ANKRD44: variants seen among roughly 807,000 people sequenced by gnomAD.
The protein encoded by ANKRD44 is ankyrin repeat domain 44.
ANKRD44 carries 35 observed loss-of-function variants against 116.0 expected under a neutral mutation model. The ratio of observed to expected loss-of-function variants is 0.30; its 90% CI spans 0.23 to 0.40. The LOEUF (loss-of-function observed/expected upper bound fraction) is 0.40. Ranked by LOEUF, ANKRD44 falls within the 10% of genes least tolerant of loss-of-function variation. ANKRD44 has a pLI of 1.00. For missense variants in ANKRD44, 1,014 were observed against 1,242.6 expected (o/e 0.82, Z 2.77); for synonymous variants, 435 against 461.8 (o/e 0.94, Z 0.74).
intron 15 of ANKRD44, among the ~76,000 whole-genome samples, chr2:197,080,307 T>C (rs2077763447): frequency 6.6e-6 from 1 of 152,244 alleles, no homozygotes; most frequent in Non-Finnish European, 1.5e-5. Flanking sequence ...TTCCGTGTTT[T>C]CACTGGGAAT....
intron 7 of ANKRD44, 71 bp from the exon 8 acceptor site, chr2:197,121,615 T>G (rs2078856052): frequency 1.5e-6 from 2 of 1,331,728 alleles, no homozygotes; most frequent in Non-Finnish European, 2.1e-6. Context: ...ACAAAAAGCA[T>G]AACGGCTGTG....
At chr2:197,291,838 G>A (rs1194536224) in intron 1 of ANKRD44, among the ~76,000 whole-genome samples, 3 of 151,914 alleles carry the variant, frequency 2.0e-5, no homozygotes, top group South Asian at 2.1e-4. Context: ...ACCACCCCAC[G>A]ACAGGCCCCA....
At chr2:197,173,144 C>T (rs539680749) in intron 2 of ANKRD44, among the ~76,000 whole-genome samples, 18 of 152,142 alleles carry the variant, frequency 1.2e-4, no homozygotes, top group Non-Finnish European at 2.2e-4. Flanking sequence ...ACAAGATATT[C>T]ATAGTACAGC....
At chr2:197,097,915 T>C (rs1031309370) in intron 10 of ANKRD44, among the ~76,000 whole-genome samples, 1 of 152,226 alleles carries the variant, frequency 6.6e-6, no homozygotes, top group Non-Finnish European at 1.5e-5. Context: ...TCCTCATTTC[T>C]TTCCACTCCA....
At chr2:197,231,303 A>T (rs1277670159) in intron 1 of ANKRD44, among the ~76,000 whole-genome samples, 2 of 152,164 alleles carry the variant, frequency 1.3e-5, no homozygotes, top group Non-Finnish European at 2.9e-5. Flanking sequence ...GGTGGTGTGT[A>T]TCTATAGTGC....
chr2:197,164,874 G>A (rs986754347), intron 2 of ANKRD44, among the ~76,000 whole-genome samples: 9 of 152,050 alleles, frequency 5.9e-5, no homozygotes, highest in Non-Finnish European at 1.3e-4. Flanking sequence ...TCTGAGGATG[G>A]CAGTACATCC....
intron 21 of ANKRD44, among the ~76,000 whole-genome samples, chr2:196,981,625 T>A (rs972273030): frequency 4.6e-5 from 7 of 151,868 alleles, no homozygotes; most frequent in African/African-American, 1.7e-4. Context: ...AAAATTTTTT[T>A]AAAAATCCGC....
intron 16 of ANKRD44, among the ~76,000 whole-genome samples, chr2:197,064,685 A>C (rs1298878259): frequency 1.3e-5 from 2 of 152,212 alleles, no homozygotes; most frequent in Non-Finnish European, 2.9e-5. Flanking sequence ...TTAAACCAAC[A>C]AAGATCAAAA....
At chr2:197,033,363 T>C (rs2124904359) in intron 16 of ANKRD44, among the ~76,000 whole-genome samples, 1 of 152,198 alleles carries the variant, frequency 6.6e-6, no homozygotes, top group African/African-American at 2.4e-5. Flanking sequence ...TGATAAATAA[T>C]GATGAAGATT....
intron 16 of ANKRD44, among the ~76,000 whole-genome samples, chr2:197,060,991 G>A (rs1295260040): frequency 6.6e-6 from 1 of 152,178 alleles, no homozygotes; most frequent in Non-Finnish European, 1.5e-5. Context: ...GTGAACATGA[G>A]AGTGTAGATA....
At chr2:197,264,763 T>A (rs2082697910) in intron 1 of ANKRD44, among the ~76,000 whole-genome samples, 1 of 152,104 alleles carries the variant, frequency 6.6e-6, no homozygotes, top group Admixed American at 6.5e-5. Flanking sequence ...TTCTTTAACC[T>A]TTTCCAGACT....
In ANKRD44 at chr2:197,251,645, A is replaced by G. The variant is rs114998662; in HGVS notation, c.27+58933T>C. On this transcript the variant is annotated intron_variant, in intron 1 of 27. Coordinates refer to ENST00000282272, the MANE Select transcript of ANKRD44 (RefSeq NM_001195144.2). Reference sequence around the variant, plus strand: ...TTGCAAGTATTTCCTCCTTTGAAAAATCTGTTCTTACTCTTTGCCCATTAA... The same window carrying G: ...TTGCAAGTATTTCCTCCTTTGAAAAGTCTGTTCTTACTCTTTGCCCATTAA... Among the ~76,000 whole-genome samples the G allele has an allele frequency of 6.3e-3, 953 of 152,224 alleles. 14 individuals are homozygous for G. Among genetic ancestry groups the G allele is most frequent in the African/African-American group, 0.022 (902 of 41,510 alleles).
chr2:197,145,626 G>A (rs1034299860), intron 3 of ANKRD44, among the ~76,000 whole-genome samples: 2 of 152,184 alleles, frequency 1.3e-5, no homozygotes, highest in Non-Finnish European at 2.9e-5. Context: ...GGAGCGTGGG[G>A]CACACGTGTT....
In ANKRD44 at chr2:197,196,001, G is replaced by A. The variant is rs1325372871; in HGVS notation, c.28-8895C>T. On this transcript the variant is annotated intron_variant, in intron 1 of 27. Transcript: ENST00000282272. ...AGCTAATTTGGGCAAAAAGGACAAT[G>A]GATCCAGGAGGTTAGTTCATACAGA... is the stretch of plus-strand genomic sequence containing the variant. Among the ~76,000 whole-genome samples, 4 of 152,306 alleles carry A rather than the reference G, an allele frequency of 2.6e-5. No homozygotes were observed. In the East Asian group the frequency reaches 7.7e-4, roughly 29 times the overall value.
At chr2:197,034,757 A>T (rs1038037223) in intron 16 of ANKRD44, among the ~76,000 whole-genome samples, 4 of 152,024 alleles carry the variant, frequency 2.6e-5, no homozygotes, top group African/African-American at 7.3e-5. Context: ...GGTGAAAAAT[A>T]ATCAGATTTG....
rs1350164799 is a variant in ANKRD44 at position 197,212,039 on chromosome 2, G to GTC, written c.28-24935_28-24934dup. ...TCACTGAGCCTCTCTCTCTCTCTCA[G>GTC]TCTCTCTCTCTCTCACACACACACA... On this transcript the variant is annotated intron_variant, in intron 1 of 27. Coordinates refer to ENST00000282272, the MANE Select transcript of ANKRD44 (RefSeq NM_001195144.2). This position sits in a 1 kb window ranked among gnomAD's most constrained non-coding sequence, Gnocchi z 4.8. 3.0e-3 allele frequency among the ~76,000 whole-genome samples: 349 copies of GTC among 116,720 alleles called. 1 individual carries two copies. Among genetic ancestry groups the GTC allele is most frequent in the Admixed American group, 4.8e-3 (46 of 9,494 alleles). 76.6% of individuals were successfully genotyped at this position (116,720 alleles called of 152,430 possible).
intron 1 of ANKRD44, chr2:197,250,907 G>A (rs903296262): frequency 7.2e-5 from 11 of 152,152 alleles, no homozygotes; most frequent in African/African-American, 9.7e-5. Context: ...TTAAAGGATG[G>A]TAAGTTAGTT....
intron 2 of ANKRD44, among the ~76,000 whole-genome samples, chr2:197,164,436 G>C (rs986166072): frequency 6.6e-6 from 1 of 152,200 alleles, no homozygotes; most frequent in African/African-American, 2.4e-5. Context: ...GTTCTCTGGG[G>C]GCGGCCACAC....
chr2:197,170,867 GC>G (rs1228047998), intron 2 of ANKRD44, among the ~76,000 whole-genome samples: 1 of 152,154 alleles, frequency 6.6e-6, no homozygotes, highest in East Asian at 1.9e-4. Flanking sequence ...CACTGGAAGA[GC>G]CTTAGTTTTC....
Sources: gnomAD v4.1 joint callset for allele counts (sites outside exome capture counted in the v4.1 genomes callset) on GRCh38, gnomAD v4.1.1 for gene constraint, Gnocchi (gnomAD v3.1) non-coding constraint, MANE v1.5 for transcripts, NCBI Gene and HGNC (gene_info 2026-07-23, HGNC 2026-07-21) for gene names.